SCN9A: variants seen among roughly 807,000 people sequenced by gnomAD.
SCN9A encodes the protein sodium voltage-gated channel alpha subunit 9.
A neutral mutation model predicts 187.0 loss-of-function variants in SCN9A; 131 were observed. That is an observed-to-expected ratio of 0.70 (90% CI 0.61 to 0.81). SCN9A has a LOEUF of 0.81. Ranked by LOEUF, SCN9A falls within the 30% of genes least tolerant of loss-of-function variation. The probability of loss-of-function intolerance (pLI) is 0.00; values close to 1 mark genes in which losing one functional copy is unlikely to be tolerated. For missense variants in SCN9A, 2,252 were observed against 2,396.6 expected (o/e 0.94, Z 1.26); for synonymous variants, 809 against 808.6 (o/e 1.00, Z -0.01).
intron 24 of SCN9A, 34 bp downstream of exon 24, chr2:166,226,533 T>C: frequency 4.2e-6 from 6 of 1,428,872 alleles, no homozygotes; most frequent in Non-Finnish European, 5.7e-6. Context: ...TGTTCATCCC[T>C]TTCATTACAA....
rs2106483192 is a variant in SCN9A at position 166,284,622 on chromosome 2, A to T, written c.1805T>A (p.Ile602Asn). The T allele has an allele frequency of 1.2e-6, 2 of 1,613,958 alleles. No individual in the cohort carries two copies. The highest frequency in any genetic ancestry group is 1.7e-6 in the Non-Finnish European group (2 of 1,179,878). ...TGGTGGGGACCTACTGGCTTGGCTG[A>T]TGTTACTGCTGCGTCGCTCCTGGGG... is the stretch of plus-strand genomic sequence containing the variant. ...HRPQERRSSN[I>N]SQASRSPPML... is the part of the protein sequence containing the mutation. The change falls in exon 12 of 27, where the codon ATC (isoleucine) becomes AAC (asparagine). Residue 602 changes from isoleucine (I) to asparagine (N), a missense_variant. This residue lies in a region of SCN9A where 1,013 missense variants were observed against 997.4 expected (regional missense o/e 1.02). Coordinates refer to ENST00000642356, the MANE Select transcript of SCN9A (RefSeq NM_001365536.1).
intron 17 of SCN9A, among the ~76,000 whole-genome samples, chr2:166,260,145 A>G (rs4371369): frequency 0.57 from 86,379 of 151,666 alleles, 24,908 homozygotes; most frequent in Middle Eastern, 0.68. Flanking sequence ...TAAAACCACC[A>G]CATAGTAAAA....
intron 26 of SCN9A, among the ~76,000 whole-genome samples, chr2:166,201,829 T>C (rs188719001): frequency 1.3e-5 from 2 of 151,670 alleles, no homozygotes; most frequent in African/African-American, 4.8e-5. Flanking sequence ...CAGTATTGAG[T>C]GCTACCATTC....
rs565848642 is a variant in SCN9A, at chr2:166,196,193, A to C, written c.*2479T>G. The C allele has an allele frequency of 1.3e-5, 2 of 152,244 alleles. No individual in the cohort carries two copies. The highest frequency in any genetic ancestry group is 4.1e-4 in the South Asian group (2 of 4,822). 9.4% of individuals were successfully genotyped at this position (152,244 alleles called of 1,614,324 possible). On this transcript the variant is annotated 3_prime_UTR_variant, in exon 27 of 27. Coordinates refer to ENST00000642356, the MANE Select transcript of SCN9A (RefSeq NM_001365536.1). Reference sequence around the variant, plus strand: ...TATGACAGTGCCTTCTGAAGGGTGAAACCATCAGTACAAACAGTAATCTAC... The same window carrying C: ...TATGACAGTGCCTTCTGAAGGGTGACACCATCAGTACAAACAGTAATCTAC...
At chr2:166,305,290 A>ACT (rs1269362415) in intron 5 of SCN9A, among the ~76,000 whole-genome samples, 1 of 152,124 alleles carries the variant, frequency 6.6e-6, no homozygotes, top group African/African-American at 2.4e-5. Flanking sequence ...TTGAAAATAA[A>ACT]CTGAGTGTAT....
At chr2:166,365,175 A>G (rs1433607869) in intron 1 of SCN9A, among the ~76,000 whole-genome samples, 1 of 152,164 alleles carries the variant, frequency 6.6e-6, no homozygotes, top group Non-Finnish European at 1.5e-5. Context: ...CCAAATAGTA[A>G]GAGGTTCCAA....
intron 17 of SCN9A, among the ~76,000 whole-genome samples, chr2:166,266,015 C>T (rs1189055592): frequency 6.6e-6 from 1 of 151,928 alleles, no homozygotes; most frequent in African/African-American, 2.4e-5. Context: ...TGTAGGTTAT[C>T]TCTTCACTCT....
At chr2:166,301,134 T>C (rs1275382673) in intron 7 of SCN9A, 2 of 77,590 alleles carry the variant, frequency 2.6e-5, no homozygotes, top group African/African-American at 1.2e-4. Flanking sequence ...TATTATTTTT[T>C]AGCAAAAAAA....
chr2:166,370,779 A>G (rs973433487), intron 1 of SCN9A, among the ~76,000 whole-genome samples: 4 of 151,958 alleles, frequency 2.6e-5, no homozygotes, highest in African/African-American at 7.2e-5. Flanking sequence ...ACTGGCGTAC[A>G]TATCAAACAT....
At chr2:166,261,623 C>A (rs915447199) in intron 17 of SCN9A, among the ~76,000 whole-genome samples, 1 of 151,918 alleles carries the variant, frequency 6.6e-6, no homozygotes, top group East Asian at 1.9e-4. Context: ...ACAGAATGTT[C>A]TATCCAGTTA....
chr2:166,238,382 A>C, intron 19 of SCN9A, 115 bp from the exon 20 acceptor site: 1 of 699,386 alleles, frequency 1.4e-6, no homozygotes, highest in Non-Finnish European at 2.3e-6. Context: ...TAATATTGAC[A>C]TGGGCCAGCT....
At chr2:166,233,286 T>C (rs1695176050) in intron 21 of SCN9A, 54 bp downstream of exon 21, 12 of 1,304,202 alleles carry the variant, frequency 9.2e-6, no homozygotes, top group Non-Finnish European at 1.2e-5. Flanking sequence ...ATTGTTTTTA[T>C]ATTTTAAACC....
chr2:166,214,750 G>A (rs373939169), intron 24 of SCN9A, among the ~76,000 whole-genome samples: 4 of 151,274 alleles, frequency 2.6e-5, no homozygotes, highest in African/African-American at 7.3e-5. Flanking sequence ...TCCTGACCTC[G>A]TGATCCGCCC....
At chr2:166,281,842 G>T (rs1283301471) in intron 12 of SCN9A, 34 bp from the exon 13 acceptor site, 1 of 1,576,334 alleles carries the variant, frequency 6.3e-7, no homozygotes, top group Non-Finnish European at 8.6e-7. Flanking sequence ...CTTAAGAACA[G>T]AATCCTAATA....
chr2:166,277,868 A>C (rs1697306027), intron 15 of SCN9A: 2 of 314,440 alleles, frequency 6.4e-6, no homozygotes, highest in South Asian at 3.0e-4. Context: ...CTTACTCTGA[A>C]ATAAATTATT....
intron 9 of SCN9A, among the ~76,000 whole-genome samples, chr2:166,292,171 A>G (rs1698103174): frequency 6.6e-6 from 1 of 152,178 alleles, no homozygotes; most frequent in Non-Finnish European, 1.5e-5. Context: ...CAATCTACCC[A>G]TCTGACAAAG....
In SCN9A at chr2:166,196,624, T is replaced by G. The variant is rs1421019084; in HGVS notation, c.*2048A>C. The G allele has an allele frequency of 1.3e-5, 2 of 152,142 alleles. No homozygotes were observed. Among genetic ancestry groups the G allele is most frequent in the African/African-American group, 4.8e-5 (2 of 41,460 alleles). 9.4% of individuals were successfully genotyped at this position (152,142 alleles called of 1,614,324 possible). On this transcript the variant is annotated 3_prime_UTR_variant, in exon 27 of 27. Transcript: ENST00000642356. ...ATTGAATTCAAATTTAAGGTGATGT[T>G]AAATTCTTAATTGAATGTATTTAAA...
intron 1 of SCN9A, among the ~76,000 whole-genome samples, chr2:166,352,236 C>A (rs566902157): frequency 2.0e-5 from 3 of 152,244 alleles, no homozygotes; most frequent in South Asian, 4.1e-4. Flanking sequence ...CTATACTACT[C>A]ATGGATTTAT....
chr2:166,293,958 C>A (rs1009338067), intron 8 of SCN9A, among the ~76,000 whole-genome samples: 2 of 152,208 alleles, frequency 1.3e-5, no homozygotes, highest in African/African-American at 4.8e-5. Flanking sequence ...CTTCTGGGAA[C>A]AGCAACCTTA....
Sources: gnomAD v4.1 joint callset for allele counts (sites outside exome capture counted in the v4.1 genomes callset) on GRCh38, gnomAD v4.1.1 for gene constraint, gnomAD v4.1.1 regional missense constraint, MANE v1.5 for transcripts, NCBI Gene and HGNC (gene_info 2026-07-23, HGNC 2026-07-21) for gene names.